Variants in ATL1 observed in about 807,000 individuals in gnomAD.
The protein encoded by ATL1 is atlastin-1.
In ATL1, 31 loss-of-function variants were observed where a neutral mutation model predicts 75.5. The observed-to-expected ratio is 0.41, with a 90% CI of 0.31 to 0.55. ATL1 has a LOEUF of 0.55. ATL1 is among the 20% of genes least tolerant of loss of function. ATL1 has a pLI of 0.27. For synonymous variants in ATL1, 226 were observed against 233.3 expected, an observed-to-expected ratio of 0.97 and a Z score of 0.28; for missense variants, 405 against 662.6, an observed-to-expected ratio of 0.61 and a Z score of 4.27.
At chr14:50,571,276 T>C (rs746759763) in intron 1 of ATL1, among the ~76,000 whole-genome samples, 1 of 152,130 alleles carries the variant, frequency 6.6e-6, no homozygotes, top group Non-Finnish European at 1.5e-5. Context: ...TCCCACAACC[T>C]GCATTCAAGC....
intron 4 of ATL1, among the ~76,000 whole-genome samples, chr14:50,593,391 G>A (rs1172384472): frequency 2.0e-5 from 3 of 152,010 alleles, no homozygotes; most frequent in African/African-American, 7.2e-5. Flanking sequence ...TATATATAAG[G>A]ATGTGAGCAT....
rs112924500 is a variant in ATL1, at chr14:50,630,346, C to G, written c.1566+337C>G. Among the ~76,000 whole-genome samples the G allele has an allele frequency of 2.6e-5, 4 of 152,314 alleles. 1 individual carries two copies. Among genetic ancestry groups the G allele is most frequent in the South Asian group, 2.1e-4 (1 of 4,828 alleles). ...AGAGTAAAGCAAGCAGTTATGAAAC[C>G]TGAGGAAATGTAACTACTGGAGGGT... is the stretch of plus-strand genomic sequence containing the variant. On this transcript the variant is annotated intron_variant, in intron 13 of 13. Coordinates refer to ENST00000358385, the MANE Select transcript of ATL1 (RefSeq NM_015915.5).
intron 1 of ATL1, among the ~76,000 whole-genome samples, chr14:50,586,706 A>AT (rs11455374): frequency 0.019 from 2,763 of 146,766 alleles, 59 homozygotes; most frequent in African/African-American, 0.058. Context: ...AAGAGGCAGA[A>AT]TTTTTTTTTT....
chr14:50,560,534 C>G (rs1227797343), intron 1 of ATL1: 1 of 575,456 alleles, frequency 1.7e-6, no homozygotes, highest in African/African-American at 1.9e-5. Flanking sequence ...GCCGGGCCTC[C>G]AGCTCCTTCT....
At chr14:50,629,150 A>G (rs1217063299) in intron 12 of ATL1, among the ~76,000 whole-genome samples, 1 of 152,180 alleles carries the variant, frequency 6.6e-6, no homozygotes, top group Non-Finnish European at 1.5e-5. Flanking sequence ...CTTTGTTAGG[A>G]GCTATCTGAA....
chr14:50,556,472 C>T, upstream of ATL1, among the ~76,000 whole-genome samples: 1 of 152,300 alleles, frequency 6.6e-6, no homozygotes, highest in Non-Finnish European at 1.5e-5. Context: ...CCCACCTCAG[C>T]TTCCCAAAGT....
At chr14:50,582,188 A>G (rs1275463201) in intron 1 of ATL1, among the ~76,000 whole-genome samples, 1 of 151,722 alleles carries the variant, frequency 6.6e-6, no homozygotes, top group Non-Finnish European at 1.5e-5. Flanking sequence ...AGGCTGAGGC[A>G]GAATTGCTTA....
chr14:50,616,642 T>A (rs1160249802), intron 8 of ATL1, among the ~76,000 whole-genome samples: 1 of 152,054 alleles, frequency 6.6e-6, no homozygotes, highest in African/African-American at 2.4e-5. Flanking sequence ...CAAATTGTAT[T>A]CACTTCTATG....
chr14:50,536,497 GA>G, intron 1 of ATL1, among the ~76,000 whole-genome samples: 1 of 151,572 alleles, frequency 6.6e-6, no homozygotes, highest in East Asian at 1.9e-4. Flanking sequence ...AAAGTTACCT[GA>G]AAATATGGAA....
Position 50,621,013 on chromosome 14 carries a change from T to C in ATL1, c.990+287T>C, listed in dbSNP as rs79819542. On this transcript the variant is annotated intron_variant, in intron 9 of 13. Transcript: ENST00000358385. ...GAATGTAAGAGTTGGAAAAGTCTTT[T>C]GGGGGGATGGGGTGTTTCCCAGGGT... Among the ~76,000 whole-genome samples the C allele has an allele frequency of 7.1e-3, 1,078 of 152,272 alleles. 14 individuals are homozygous for C. The highest frequency in any genetic ancestry group is 0.025 in the African/African-American group (1,034 of 41,544).
chr14:50,573,109 G>A (rs759941671), intron 1 of ATL1, among the ~76,000 whole-genome samples: 1 of 152,076 alleles, frequency 6.6e-6, no homozygotes, highest in African/African-American at 2.4e-5. Context: ...CACCTCCCAC[G>A]AGGTCCTTCC....
intron 1 of ATL1, among the ~76,000 whole-genome samples, chr14:50,550,905 G>A (rs990023320): frequency 2.6e-5 from 4 of 152,148 alleles, no homozygotes; most frequent in African/African-American, 9.7e-5. Context: ...ATGGTGCTAA[G>A]AGGGAAGGTC....
intron 11 of ATL1, among the ~76,000 whole-genome samples, chr14:50,627,206 G>A (rs758483662): frequency 3.9e-5 from 6 of 152,234 alleles, no homozygotes; most frequent in Non-Finnish European, 7.3e-5. Context: ...AGATTGATGT[G>A]CTGAAGGCTC....
chr14:50,546,409 T>C (rs1348908404), intron 1 of ATL1, among the ~76,000 whole-genome samples: 1 of 152,074 alleles, frequency 6.6e-6, no homozygotes, highest in African/African-American at 2.4e-5. Context: ...AGCATACATG[T>C]TTATGTTTAT....
chr14:50,534,696 G>A (rs890031228), intron 1 of ATL1, among the ~76,000 whole-genome samples: 4 of 152,202 alleles, frequency 2.6e-5, no homozygotes, highest in Admixed American at 6.5e-5. Flanking sequence ...TTAAAAAGTC[G>A]AGACTCTATG....
In ATL1 at chr14:50,533,409, C is replaced by T. The variant is rs982446540; in HGVS notation, c.-140+42C>T. The T allele has an allele frequency of 2.0e-5, 3 of 151,984 alleles. No individual in the cohort carries two copies. In the East Asian group the frequency reaches 5.8e-4, roughly 29 times the overall value. The allele number at this position is 151,984 out of a possible 1,614,324, so 9.4% of individuals were successfully genotyped here. A position where few individuals can be genotyped will look rare whatever the true frequency, so the allele number is the denominator to read the frequency against. ...GACACCCAGGAAAGTGTTTATAAAG[C>T]GTTTTACAGGATAGTAAGGGGGGTT... On this transcript the variant is annotated intron_variant, in intron 1 of 13. Transcript: ENST00000441560.
intron 6 of ATL1, among the ~76,000 whole-genome samples, chr14:50,596,016 G>C (rs1307208856): frequency 6.6e-6 from 1 of 152,030 alleles, no homozygotes; most frequent in African/African-American, 2.4e-5. Context: ...TTAAACATAA[G>C]AATGTGTTCA....
At chr14:50,543,619 A>G (rs2038593118) in intron 1 of ATL1, among the ~76,000 whole-genome samples, 1 of 152,216 alleles carries the variant, frequency 6.6e-6, no homozygotes. Context: ...AGAGGAAAGT[A>G]TGCAGAAGGA....
chr14:50,610,841 T>C (rs890903976), intron 6 of ATL1, among the ~76,000 whole-genome samples: 1 of 152,134 alleles, frequency 6.6e-6, no homozygotes, highest in Non-Finnish European at 1.5e-5. Flanking sequence ...AACATTATGG[T>C]TTGGAGTTAT....
Sources: allele counts gnomAD v4.1 joint callset (sites outside exome capture counted in the v4.1 genomes callset), GRCh38; gene constraint gnomAD v4.1.1; transcripts MANE v1.5; gene names NCBI Gene and HGNC (gene_info 2026-07-23, HGNC 2026-07-21).